Variants in THEMIS observed in about 807,000 individuals in gnomAD.
THEMIS encodes the protein protein THEMIS.
A neutral mutation model predicts 52.6 loss-of-function variants in THEMIS; 37 were observed. The ratio of observed to expected loss-of-function variants is 0.70; its 90% CI spans 0.54 to 0.93. THEMIS has a LOEUF of 0.93. Among genes scored for constraint, THEMIS ranks in the 40% least tolerant of loss-of-function variants. THEMIS has a pLI of 0.00. For missense variants in THEMIS, 808 were observed against 763.1 expected, an observed-to-expected ratio of 1.06 and a Z score of -0.69; for synonymous variants, 292 against 272.7, an observed-to-expected ratio of 1.07 and a Z score of -0.70.
At chr6:127,897,566 A>G (rs1781006852) in intron 1 of THEMIS, among the ~76,000 whole-genome samples, 2 of 151,560 alleles carry the variant, frequency 1.3e-5, no homozygotes, top group African/African-American at 4.8e-5. Context: ...TTAGTCATCA[A>G]GGAGATGAAA....
At chr6:127,905,126 T>C (rs1276576583), upstream of THEMIS, among the ~76,000 whole-genome samples, 3 of 151,990 alleles carry the variant, frequency 2.0e-5, no homozygotes, top group African/African-American at 7.2e-5. Flanking sequence ...GAAAAAGGCA[T>C]CAATCCATAG....
At chr6:127,774,550 G>A (rs538796581) in intron 4 of THEMIS, among the ~76,000 whole-genome samples, 18 of 152,310 alleles carry the variant, frequency 1.2e-4, no homozygotes, top group African/African-American at 3.8e-4. Context: ...AACTGGCCCA[G>A]AAACACTTGT....
chr6:127,761,686 C>T (rs895594523), intron 4 of THEMIS, among the ~76,000 whole-genome samples: 4 of 152,224 alleles, frequency 2.6e-5, no homozygotes, highest in East Asian at 3.9e-4. Context: ...AGCAGCCCAC[C>T]CTTTTCTTTT....
intron 4 of THEMIS, among the ~76,000 whole-genome samples, chr6:127,776,728 A>G (rs1296464451): frequency 2.0e-5 from 3 of 152,222 alleles, no homozygotes; most frequent in Middle Eastern, 3.2e-3. Flanking sequence ...AACAATAGAT[A>G]ACTAACATAG....
In THEMIS at chr6:127,710,035, G is replaced by A. The variant is rs752515503; in HGVS notation, c.1895-19C>T. On this transcript the variant is annotated intron_variant, in intron 5 of 5. Coordinates refer to ENST00000368248, the MANE Select transcript of THEMIS (RefSeq NM_001010923.3). Reference sequence around the variant, plus strand: ...AATGTTTCTATAAATAAAAAAAGAAGGGTTTATCAGAAATAAGTATTGAAA... The same window carrying A: ...AATGTTTCTATAAATAAAAAAAGAAAGGTTTATCAGAAATAAGTATTGAAA... The A allele has an allele frequency of 6.6e-7, 1 of 1,519,922 alleles. No individual in the cohort carries two copies. The highest frequency in any genetic ancestry group is 8.9e-7 in the Non-Finnish European group (1 of 1,117,878). 94.2% of individuals were successfully genotyped at this position (1,519,922 alleles called of 1,614,324 possible). A position where few individuals can be genotyped will look rare whatever the true frequency, so the allele number is the denominator to read the frequency against.
intron 4 of THEMIS, among the ~76,000 whole-genome samples, chr6:127,740,670 T>G (rs1473556060): frequency 6.6e-6 from 1 of 152,200 alleles, no homozygotes; most frequent in Non-Finnish European, 1.5e-5. Flanking sequence ...AAAGCTAGTA[T>G]GTGCTTACAA....
chr6:127,730,402 A>T (rs1774746240), intron 4 of THEMIS, among the ~76,000 whole-genome samples: 1 of 141,768 alleles, frequency 7.1e-6, no homozygotes, highest in South Asian at 2.6e-4. Flanking sequence ...AAAGGAAGGA[A>T]GGAAGGAAAG....
intron 4 of THEMIS, among the ~76,000 whole-genome samples, chr6:127,730,887 G>A (rs1361171809): frequency 6.6e-6 from 1 of 152,142 alleles, no homozygotes; most frequent in Non-Finnish European, 1.5e-5. Flanking sequence ...AAATTTGAAT[G>A]CTCACCATTT....
At chr6:127,754,816 T>C (rs772776502) in intron 4 of THEMIS, among the ~76,000 whole-genome samples, 3 of 151,864 alleles carry the variant, frequency 2.0e-5, no homozygotes, top group Admixed American at 6.6e-5. Context: ...TAAAAACAGA[T>C]GAGCAAAGGG....
intron 1 of THEMIS, among the ~76,000 whole-genome samples, chr6:127,911,132 C>A (rs540819691): frequency 6.6e-6 from 1 of 151,364 alleles, no homozygotes; most frequent in South Asian, 2.1e-4. Flanking sequence ...TAATCTATCA[C>A]TGATAATGTT....
At chr6:127,719,911 T>C in intron 4 of THEMIS, 88 bp from the exon 5 acceptor site, 1 of 1,493,548 alleles carries the variant, frequency 6.7e-7, no homozygotes, top group East Asian at 2.3e-5. Flanking sequence ...GCAATTCATT[T>C]CTGTATGTCT....
chr6:127,908,219 A>C (rs748664464), intron 1 of THEMIS, among the ~76,000 whole-genome samples: 2 of 151,720 alleles, frequency 1.3e-5, no homozygotes, highest in Admixed American at 6.6e-5. Flanking sequence ...AAACCACTGA[A>C]CTCTTCCTCT....
At chr6:127,730,323 A>G (rs1320288289) in intron 4 of THEMIS, among the ~76,000 whole-genome samples, 49 of 148,754 alleles carry the variant, frequency 3.3e-4, no homozygotes, top group African/African-American at 9.2e-4. Context: ...AAAGAGAAAA[A>G]AAGAAAAGAA....
At chr6:127,763,120 A>C (rs1395825983) in intron 4 of THEMIS, among the ~76,000 whole-genome samples, 1 of 151,960 alleles carries the variant, frequency 6.6e-6, no homozygotes, top group East Asian at 1.9e-4. Context: ...CTTGAGACCT[A>C]AGAGTTTAAG....
chr6:127,813,431 T>C lies in THEMIS; in HGVS notation c.1210A>G (p.Ile404Val). 1 of 1,613,994 alleles carries C rather than the reference T, an allele frequency of 6.2e-7. No individual in the cohort carries two copies. Among genetic ancestry groups the C allele is most frequent in the Non-Finnish European group, 8.5e-7 (1 of 1,179,972 alleles). ...SETTEVLCEG[I>V]KKVVNVLACE... ...GCCAGAACATTCACCACTTTTTTTATTCCCTCACAGAGGACTTCAGTCGTC... is the reference window on the plus strand; with the variant it reads ...GCCAGAACATTCACCACTTTTTTTACTCCCTCACAGAGGACTTCAGTCGTC... Residue 404 changes from isoleucine to valine, a missense_variant, in exon 4 of 6, where the codon ATA becomes GTA. Coordinates refer to ENST00000368248, the MANE Select transcript of THEMIS (RefSeq NM_001010923.3).
rs193291073 is a variant in THEMIS at position 127,726,188 on chromosome 6, A to G, written c.1759-6365T>C. 5.7e-3 allele frequency among the ~76,000 whole-genome samples: 866 copies of G among 152,202 alleles called. 8 individuals are homozygous for G. The highest frequency in any genetic ancestry group is 7.8e-3 in the Non-Finnish European group (528 of 67,974). Reference sequence around the variant, plus strand: ...AGAATCTTTCTTTTGTGCTTATTCCAAGTACCTCCAGAAAGTCAGACATTT... The same window carrying G: ...AGAATCTTTCTTTTGTGCTTATTCCGAGTACCTCCAGAAAGTCAGACATTT... On this transcript the variant is annotated intron_variant, in intron 4 of 5. Transcript: ENST00000368248.
At chr6:127,828,580 G>A (rs949875430) in intron 3 of THEMIS, among the ~76,000 whole-genome samples, 9 of 152,050 alleles carry the variant, frequency 5.9e-5, no homozygotes, top group Admixed American at 1.3e-4. Context: ...AAAATTCAAG[G>A]TATTAACACC....
chr6:127,717,822 C>CT (rs35369332), intron 5 of THEMIS, among the ~76,000 whole-genome samples: 11,450 of 146,472 alleles, frequency 0.078, 480 homozygotes, highest in Non-Finnish European at 0.1. Flanking sequence ...CTTAATTAGG[C>CT]TTTTTTTTTT....
chr6:127,698,125 C>T, the THEMIS span, among the ~76,000 whole-genome samples: 1 of 152,028 alleles, frequency 6.6e-6, no homozygotes, highest in African/African-American at 2.4e-5. Context: ...AGCCATTCAA[C>T]TTAATTGAAT....
Sources: gnomAD v4.1 joint callset for allele counts (sites outside exome capture counted in the v4.1 genomes callset) on GRCh38, gnomAD v4.1.1 for gene constraint, MANE v1.5 for transcripts, NCBI Gene and HGNC (gene_info 2026-07-23, HGNC 2026-07-21) for gene names.